TSPAN18: variants seen among roughly 807,000 people sequenced by gnomAD.
TSPAN18 encodes the protein tetraspanin-18.
In TSPAN18, 14 loss-of-function variants were observed where a neutral mutation model predicts 27.3. The observed-to-expected ratio is 0.51, with a 90% CI of 0.34 to 0.80. The LOEUF (loss-of-function observed/expected upper bound fraction) is 0.80, where lower values mean the gene tolerates loss of function less well. Among genes scored for constraint, TSPAN18 ranks in the 30% least tolerant of loss-of-function variants. The pLI is 0.01. For synonymous variants in TSPAN18, 143 were observed against 136.5 expected (o/e 1.05, Z -0.33); for missense variants, 268 against 323.9 (o/e 0.83, Z 1.32).
At chr11:44,897,685 C>A in intron 3 of TSPAN18, 1 of 1,085,930 alleles carries the variant, frequency 9.2e-7, no homozygotes, top group South Asian at 1.3e-5. Context: ...TCATAAACAG[C>A]TCCTTTCATG....
At chr11:44,879,794 G>A (rs182944305) in intron 3 of TSPAN18, among the ~76,000 whole-genome samples, 112 of 152,354 alleles carry the variant, frequency 7.4e-4, no homozygotes, top group Middle Eastern at 6.8e-3. Context: ...GATGTCTGTG[G>A]CCTCCCAGGA....
chr11:44,758,820 A>G (rs1049863442), intron 1 of TSPAN18, among the ~76,000 whole-genome samples: 3 of 152,184 alleles, frequency 2.0e-5, no homozygotes, highest in Non-Finnish European at 1.5e-5. Context: ...ATTTAAACTC[A>G]GGTTTGCGGG....
At chr11:44,880,576 C>A (rs1199349632) in intron 3 of TSPAN18, among the ~76,000 whole-genome samples, 1 of 152,214 alleles carries the variant, frequency 6.6e-6, no homozygotes, top group Non-Finnish European at 1.5e-5. Flanking sequence ...CTGAACCACA[C>A]CACCTGATCA....
At position 44,930,817 on chromosome 11, in the gene TSPAN18, G is replaced by T; in HGVS notation, c.*1639G>T. On this transcript the variant is annotated 3_prime_UTR_variant, in exon 10 of 10. Coordinates refer to ENST00000520358, the MANE Select transcript of TSPAN18 (RefSeq NM_130783.5). ...TCTGCCACGGGCAGGGATGGAAGGA[G>T]CAGTGTGATGTCTGCTCTCTTCTCT... The T allele has an allele frequency of 4.1e-6, 2 of 482,782 alleles. No individual in the cohort carries two copies. The highest frequency in any genetic ancestry group is 4.3e-6 in the Non-Finnish European group (1 of 233,662). The allele number at this position is 482,782 out of a possible 1,614,324, so 29.9% of individuals were successfully genotyped here.
At chr11:44,774,264 C>T (rs745688071) in intron 2 of TSPAN18, among the ~76,000 whole-genome samples, 5 of 152,172 alleles carry the variant, frequency 3.3e-5, no homozygotes, top group East Asian at 3.9e-4. Flanking sequence ...GCATGTCCCA[C>T]GGGAGAAGGA....
chr11:44,829,511 C>T (rs1030274116), intron 2 of TSPAN18, among the ~76,000 whole-genome samples: 2 of 152,012 alleles, frequency 1.3e-5, no homozygotes, highest in Non-Finnish European at 2.9e-5. Flanking sequence ...TTTTTGGGTA[C>T]GATAGCTCAT....
chr11:44,895,410 G>C (rs1545514), intron 3 of TSPAN18, among the ~76,000 whole-genome samples: 37,046 of 152,062 alleles, frequency 0.24, 5,166 homozygotes, highest in East Asian at 0.41. Flanking sequence ...CTTGGAGAGG[G>C]GGGTGACTTT....
At chr11:44,875,078 G>T (rs1452052534) in intron 3 of TSPAN18, among the ~76,000 whole-genome samples, 1 of 152,226 alleles carries the variant, frequency 6.6e-6, no homozygotes, top group African/African-American at 2.4e-5. Context: ...ATGCAAGAGT[G>T]AGAGGCCTTG....
chr11:44,929,341 A>C lies in TSPAN18; in HGVS notation c.*163A>C. On this transcript the variant is annotated 3_prime_UTR_variant, in exon 10 of 10. Coordinates refer to ENST00000520358, the MANE Select transcript of TSPAN18 (RefSeq NM_130783.5). ...GGGGAATAGAGCTATTTTTTTAACAAAACAAAATGAAGACAAAAATATGGA... is the reference window on the plus strand; with the variant it reads ...GGGGAATAGAGCTATTTTTTTAACACAACAAAATGAAGACAAAAATATGGA... The C allele has an allele frequency of 1.2e-6, 1 of 832,636 alleles. No homozygotes were observed. Among genetic ancestry groups the C allele is most frequent in the Non-Finnish European group, 1.9e-6 (1 of 540,140 alleles). The allele number at this position is 832,636 out of a possible 1,614,324, so 51.6% of individuals were successfully genotyped here.
intron 3 of TSPAN18, among the ~76,000 whole-genome samples, chr11:44,883,934 A>G (rs1031873957): frequency 6.8e-6 from 1 of 147,876 alleles, no homozygotes; most frequent in African/African-American, 2.6e-5. Context: ...TGAAAATTAA[A>G]TGAGTTAACA....
chr11:44,800,337 A>G (rs1266919762), intron 2 of TSPAN18, among the ~76,000 whole-genome samples: 2 of 152,220 alleles, frequency 1.3e-5, no homozygotes, highest in East Asian at 3.9e-4. Flanking sequence ...GTATTGCCAG[A>G]GGCCCCAGAG....
intron 3 of TSPAN18, among the ~76,000 whole-genome samples, chr11:44,882,621 CACACACAGAG>C (rs1858523366): frequency 3.1e-5 from 4 of 128,602 alleles, no homozygotes; most frequent in Admixed American, 1.5e-4. Context: ...CACACACACA[CACACACAGAG>C]AGAGAGCATG....
At chr11:44,783,385 A>G (rs1382455620) in intron 2 of TSPAN18, among the ~76,000 whole-genome samples, 1 of 151,482 alleles carries the variant, frequency 6.6e-6, no homozygotes, top group African/African-American at 2.4e-5. Flanking sequence ...TGATATACCA[A>G]GACTCTTTCT....
chr11:44,874,431 A>G (rs1342443247), intron 3 of TSPAN18, among the ~76,000 whole-genome samples: 1 of 152,204 alleles, frequency 6.6e-6, no homozygotes, highest in Non-Finnish European at 1.5e-5. Context: ...ACTCGATGTC[A>G]TTTAGCCCTC....
chr11:44,923,723 G>A lies in TSPAN18; in HGVS notation c.616-2951G>A, dbSNP rs115660867. 4.9e-3 allele frequency among the ~76,000 whole-genome samples: 741 copies of A among 152,158 alleles called. 4 individuals are homozygous for A. The highest frequency in any genetic ancestry group is 0.016 in the African/African-American group (683 of 41,494). On this transcript the variant is annotated intron_variant, in intron 8 of 9. Transcript: ENST00000520358. ...AATGCAGGTAAGACCCCTCCTCCCC[G>A]AGGGCTGTAATGAGATCAAGTGAGA...
chr11:44,851,343 CCA>C (rs1180918771), intron 2 of TSPAN18, among the ~76,000 whole-genome samples: 2 of 152,208 alleles, frequency 1.3e-5, no homozygotes, highest in Non-Finnish European at 2.9e-5. Context: ...CCCTGACCAC[CCA>C]GAGGTTGCCC....
intron 2 of TSPAN18, among the ~76,000 whole-genome samples, chr11:44,826,052 G>A (rs1857034934): frequency 1.3e-5 from 2 of 152,216 alleles, no homozygotes; most frequent in Admixed American, 1.3e-4. Flanking sequence ...GATAGTGGGA[G>A]ATAGGGGCCA....
intron 2 of TSPAN18, among the ~76,000 whole-genome samples, chr11:44,846,416 G>A (rs1469323556): frequency 6.6e-6 from 1 of 152,214 alleles, no homozygotes; most frequent in African/African-American, 2.4e-5. Context: ...GATGGGGGAG[G>A]GCGCTTGGCA....
intron 8 of TSPAN18, among the ~76,000 whole-genome samples, chr11:44,921,986 G>A (rs1228633601): frequency 1.3e-5 from 2 of 152,152 alleles, no homozygotes; most frequent in African/African-American, 2.4e-5. Context: ...GTCTGAGACT[G>A]GCTCCTGGGG....
Sources: gnomAD v4.1 joint callset for allele counts (sites outside exome capture counted in the v4.1 genomes callset) on GRCh38, gnomAD v4.1.1 for gene constraint, MANE v1.5 for transcripts, NCBI Gene and HGNC (gene_info 2026-07-23, HGNC 2026-07-21) for gene names.